Variants in GPR78 observed in about 807,000 individuals in gnomAD.
GPR78 encodes G protein-coupled receptor 78.
GPR78 carries 29 observed loss-of-function variants against 17.9 expected under a neutral mutation model. The ratio of observed to expected loss-of-function variants is 1.62; its 90% CI spans 1.20 to 2.21. The LOEUF is 2.21. Among genes scored for constraint, GPR78 ranks in the 30% most tolerant of loss-of-function variants. The pLI is 0.00. For missense variants in GPR78, 649 were observed against 530.5 expected, an observed-to-expected ratio of 1.22 and a Z score of -2.19; for synonymous variants, 349 against 256.9, an observed-to-expected ratio of 1.36 and a Z score of -3.43.
At position 8,580,608 on chromosome 4, in the gene GPR78, A is replaced by C; in HGVS notation, c.-375A>C. The C allele has an allele frequency of 4.0e-6, 1 of 248,748 alleles. No homozygotes were observed. Among genetic ancestry groups the C allele is most frequent in the Non-Finnish European group, 7.6e-6 (1 of 131,712 alleles). 15.4% of individuals were successfully genotyped at this position (248,748 alleles called of 1,614,324 possible). Reference sequence around the variant, plus strand: ...CATCCTGCCACGCCACGAGGAGAGAAGAAGGAAAGATACAGTGTTAGGAAA... The same window carrying C: ...CATCCTGCCACGCCACGAGGAGAGACGAAGGAAAGATACAGTGTTAGGAAA... On this transcript the variant is annotated 5_prime_UTR_variant, in exon 1 of 3. Coordinates refer to ENST00000382487, the MANE Select transcript of GPR78 (RefSeq NM_080819.5).
chr4:8,587,000 T>G (rs2109302208), intron 2 of GPR78, 54 bp from the exon 3 acceptor site: 1 of 1,465,682 alleles, frequency 6.8e-7, no homozygotes, highest in Non-Finnish European at 9.5e-7. Context: ...GGAGCGTGAG[T>G]GCGTGGCAGG....
rs749378417 is a variant in GPR78, at chr4:8,581,207, G to A, written c.225G>A (p.Ala75=). ...LGVMRGRTPS[A]PGACQVIGFL... ...TGATGCGCGGGCGGACACCGTCGGCGCCCGGCGCATGCCAAGTCATTGGCT... is the reference window on the plus strand; with the variant it reads ...TGATGCGCGGGCGGACACCGTCGGCACCCGGCGCATGCCAAGTCATTGGCT... Residue 75 remains alanine, a synonymous_variant, in exon 1 of 3, where the codon GCG becomes GCA. Coordinates refer to ENST00000382487, the MANE Select transcript of GPR78 (RefSeq NM_080819.5). 5 of 1,599,388 alleles carry A rather than the reference G, an allele frequency of 3.1e-6. No homozygotes were observed. Among genetic ancestry groups the A allele is most frequent in the East Asian group, 2.2e-5 (1 of 44,774 alleles).
intron 2 of GPR78, among the ~76,000 whole-genome samples, 164 bp from the exon 3 acceptor site, chr4:8,586,890 G>A (rs1441996195): frequency 1.3e-5 from 2 of 152,202 alleles, no homozygotes; most frequent in African/African-American, 4.8e-5. Context: ...CCCATTTTAG[G>A]AAGAGGAGCC....
Position 8,581,596 on chromosome 4 carries a change from G to T in GPR78, c.614G>T (p.Arg205Leu), listed in dbSNP as rs765727560. ...CGGGTGGCACGCAGACACTGCCAGC[G>T]CATGGACACCGTCACCATGAAGGCG... ...VHRVARRHCQRMDTVTMKALA... is the reference protein window; with the variant it reads ...VHRVARRHCQLMDTVTMKALA... The change falls in exon 1 of 3, where the codon CGC (arginine) becomes CTC (leucine). Residue 205 changes from arginine to leucine, a missense_variant. Coordinates refer to ENST00000382487, the MANE Select transcript of GPR78 (RefSeq NM_080819.5). The T allele has an allele frequency of 6.4e-7, 1 of 1,550,940 alleles. No homozygotes were observed. The highest frequency in any genetic ancestry group is 8.7e-7 in the Non-Finnish European group (1 of 1,155,296).
In GPR78 at chr4:8,587,893, C is replaced by G. The variant is rs1713579931; in HGVS notation, c.*530C>G. On this transcript the variant is annotated 3_prime_UTR_variant, in exon 3 of 3. Transcript: ENST00000382487. ...GGTTGGGGGCTCCCAGAGTTCACAT[C>G]TGATAGTCTGTGGTCAGGACCTGGC... The G allele has an allele frequency of 6.1e-6, 1 of 165,194 alleles. No individual in the cohort carries two copies. Among genetic ancestry groups the G allele is most frequent in the South Asian group, 1.7e-4 (1 of 5,936 alleles). The allele number at this position is 165,194 out of a possible 1,614,324, so 10.2% of individuals were successfully genotyped here. A position where few individuals can be genotyped will look rare whatever the true frequency, so the allele number is the denominator to read the frequency against.
Position 8,581,095 on chromosome 4 carries a change from C to G in GPR78, c.113C>G (p.Thr38Ser), listed in dbSNP as rs1353289737. The change falls in exon 1 of 3, where the codon ACT (threonine) becomes AGT (serine). Residue 38 changes from threonine to serine, a missense_variant. Coordinates refer to ENST00000382487, the MANE Select transcript of GPR78 (RefSeq NM_080819.5). ...LCCAYSAELR[T>S]RASGVLLVNL... The stretch of plus-strand genomic sequence containing the variant: ...TGCGCCTACAGCGCTGAGCTCCGCA[C>G]TCGAGCCTCAGGCGTCCTCCTGGTG... The G allele has an allele frequency of 8.7e-6, 14 of 1,606,276 alleles. No individual in the cohort carries two copies. Among genetic ancestry groups the G allele is most frequent in the Non-Finnish European group, 1.2e-5 (14 of 1,179,586 alleles).
chr4:8,584,148 G>A (rs1271702643), intron 2 of GPR78, among the ~76,000 whole-genome samples: 1 of 152,162 alleles, frequency 6.6e-6, no homozygotes, highest in Non-Finnish European at 1.5e-5. Flanking sequence ...GAAGGTGAGT[G>A]CTAAAATTTC....
intron 2 of GPR78, 159 bp downstream of exon 2, chr4:8,582,803 C>T: frequency 1.7e-6 from 1 of 605,140 alleles, no homozygotes; most frequent in Middle Eastern, 2.6e-4. Flanking sequence ...GCTTCAGCTC[C>T]TGGGAAAGAT....
intron 2 of GPR78, 73 bp from the exon 3 acceptor site, chr4:8,586,981 C>T: frequency 7.4e-7 from 1 of 1,353,144 alleles, no homozygotes; most frequent in Non-Finnish European, 1.0e-6. Flanking sequence ...GGTTCTAGCA[C>T]CTTCCCCCGG....
At position 8,581,125 on chromosome 4, in the gene GPR78, T is replaced by G; in HGVS notation, c.143T>G (p.Leu48Arg). ...TRASGVLLVNLSLGHLLLAAL... is the reference protein window; with the variant it reads ...TRASGVLLVNRSLGHLLLAAL... ...GCCTCAGGCGTCCTCCTGGTGAATCTGTCTCTGGGCCACCTGCTGCTGGCG... is the reference window on the plus strand; with the variant it reads ...GCCTCAGGCGTCCTCCTGGTGAATCGGTCTCTGGGCCACCTGCTGCTGGCG... Residue 48 changes from leucine (L) to arginine (R), a missense_variant, in exon 1 of 3, where the codon CTG (leucine) becomes CGG (arginine). Physicochemically the swap from Leu to Arg is moderately radical, Grantham distance 102. Transcript: ENST00000382487. 1 of 1,606,118 alleles carries G rather than the reference T, an allele frequency of 6.2e-7. No homozygotes were observed. The highest frequency in any genetic ancestry group is 8.5e-7 in the Non-Finnish European group (1 of 1,179,804).
In GPR78 at chr4:8,587,346, C is replaced by A. The variant is rs770137929; in HGVS notation, c.1075C>A (p.Leu359Met). The part of the protein sequence containing the change: ...GSVDTENDSC[L>M]QQTH ...TGTGGACACAGAGAATGATTCCTGC[C>A]TGCAGCAGACACACTGAGGGCCTGG... The change falls in exon 3 of 3, where the codon CTG becomes ATG. Residue 359 changes from leucine to methionine, a missense_variant. Physicochemically the swap from Leu to Met is conservative, Grantham distance 15 (BLOSUM62 2). Transcript: ENST00000382487. The A allele has an allele frequency of 9.3e-6, 15 of 1,612,672 alleles. 1 individual carries two copies. In the Admixed American group the frequency reaches 2.5e-4, roughly 27 times the overall value.
chr4:8,583,270 C>T (rs1211495336), intron 2 of GPR78, among the ~76,000 whole-genome samples: 1 of 152,198 alleles, frequency 6.6e-6, no homozygotes, highest in Non-Finnish European at 1.5e-5. Flanking sequence ...ACCTTAGCTC[C>T]ACTCAAGGAA....
chr4:8,587,770 C>T lies in GPR78; in HGVS notation c.*407C>T. ...TCTTGCTCAGGGTCTGTTGTGCAGCCCAGATGGACACCTGTTTCTCCAACC... is the reference window on the plus strand; with the variant it reads ...TCTTGCTCAGGGTCTGTTGTGCAGCTCAGATGGACACCTGTTTCTCCAACC... On this transcript the variant is annotated 3_prime_UTR_variant, in exon 3 of 3. Transcript: ENST00000382487. 4.5e-6 allele frequency: 1 copy of T among 223,532 alleles called. No homozygotes were observed. Among genetic ancestry groups the T allele is most frequent in the Admixed American group, 5.1e-5 (1 of 19,456 alleles). 13.8% of individuals were successfully genotyped at this position (223,532 alleles called of 1,614,324 possible). A position where few individuals can be genotyped will look rare whatever the true frequency, so the allele number is the denominator to read the frequency against.
chr4:8,586,732 C>T (rs191650028), intron 2 of GPR78, among the ~76,000 whole-genome samples: 3 of 152,152 alleles, frequency 2.0e-5, no homozygotes, highest in Non-Finnish European at 2.9e-5. Context: ...GGCAGGTGTA[C>T]GTGCAGGTGG....
rs1347952994 is a variant in GPR78, at chr4:8,580,965, TGGCGAGCCGCTAGCGCCATGGGCCCC to T, written c.-11_15del. ...AGAGCCATGAGAACCCCAGGGTGCCTGGCGAGCCGCTAGCGCCATGGGCCCCGGCGAGGCGCTGCTGGCGGGTCTCC... is the reference window on the plus strand; with the variant it reads ...AGAGCCATGAGAACCCCAGGGTGCCTGGCGAGGCGCTGCTGGCGGGTCTCC... On this transcript the variant is annotated start_lost and 5_prime_UTR_variant, in exon 1 of 3. Coordinates refer to ENST00000382487, the MANE Select transcript of GPR78 (RefSeq NM_080819.5). 2 of 1,536,070 alleles carry T rather than the reference TGGCGAGCCGCTAGCGCCATGGGCCCC, an allele frequency of 1.3e-6. No homozygotes were observed. Among genetic ancestry groups the T allele is most frequent in the South Asian group, 1.2e-5 (1 of 81,784 alleles).
In GPR78 at chr4:8,587,259, G is replaced by A. The variant is rs11941659; in HGVS notation, c.988G>A (p.Ala330Thr). Residue 330 changes from alanine (A) to threonine (T), a missense_variant, in exon 3 of 3, where the codon GCC becomes ACC. By Grantham distance (58) the Ala-to-Thr change is moderately conservative. Transcript: ENST00000382487. ...CACCCATGACAGCTCTCTGGATGTG[G>A]CCGGCATGGTGCACCAGCTGCTGAA... is the stretch of plus-strand genomic sequence containing the variant. Reference protein sequence around the residue: ...ASTHDSSLDVAGMVHQLLKRT... With the variant: ...ASTHDSSLDVTGMVHQLLKRT... The A allele has an allele frequency of 0.021, 33,928 of 1,600,234 alleles. 415 individuals are homozygous for A. Among genetic ancestry groups the A allele is most frequent in the South Asian group, 0.025 (2,236 of 89,452 alleles).
At chr4:8,583,992 G>A (rs1713397937) in intron 2 of GPR78, among the ~76,000 whole-genome samples, 2 of 152,206 alleles carry the variant, frequency 1.3e-5, no homozygotes, top group African/African-American at 4.8e-5. Flanking sequence ...CTTCTCCCGG[G>A]AACCAGCTAT....
Position 8,589,492 on chromosome 4 carries a change from A to C in GPR78, c.*2129A>C, listed in dbSNP as rs1713663481. ...GCTGCACCCCGGTGCCCCTGTGCTTATAAGGGAGGGCACGTGCACAGCAGA... is the reference window on the plus strand; with the variant it reads ...GCTGCACCCCGGTGCCCCTGTGCTTCTAAGGGAGGGCACGTGCACAGCAGA... On this transcript the variant is annotated 3_prime_UTR_variant, in exon 3 of 3. Coordinates refer to ENST00000382487, the MANE Select transcript of GPR78 (RefSeq NM_080819.5). Among the ~76,000 whole-genome samples the C allele has an allele frequency of 6.6e-6, 1 of 152,046 alleles. No individual in the cohort carries two copies. Among genetic ancestry groups the C allele is most frequent in the African/African-American group, 2.4e-5 (1 of 41,412 alleles).
chr4:8,581,694 G>A, intron 1 of GPR78, 44 bp downstream of exon 1: 2 of 1,385,752 alleles, frequency 1.4e-6, no homozygotes, highest in Non-Finnish European at 1.9e-6. Flanking sequence ...CAGGGACTTG[G>A]GCGCTCCCTG....
Sources: allele counts gnomAD v4.1 joint callset (sites outside exome capture counted in the v4.1 genomes callset), GRCh38; gene constraint gnomAD v4.1.1; transcripts MANE v1.5; gene names NCBI Gene and HGNC (gene_info 2026-07-23, HGNC 2026-07-21).